Variants in ELP4 observed in about 807,000 individuals in gnomAD.
ELP4 encodes the protein elongator complex protein 4.
In ELP4, 51 loss-of-function variants were observed where a neutral mutation model predicts 48.9. The ratio of observed to expected loss-of-function variants is 1.04; its 90% confidence interval spans 0.83 to 1.32. The LOEUF (loss-of-function observed/expected upper bound fraction) is 1.32, where lower values mean the gene tolerates loss of function less well. ELP4 is among the 40% of genes most tolerant of loss of function. The probability of loss-of-function intolerance (pLI) is 0.00; values close to 1 mark genes in which losing one functional copy is unlikely to be tolerated. For synonymous variants in ELP4, 210 were observed against 189.2 expected (o/e 1.11, Z -0.90); for missense variants, 519 against 514.6 (o/e 1.01, Z -0.08).
intron 9 of ELP4, among the ~76,000 whole-genome samples, chr11:31,752,101 GA>G (rs1247804543): frequency 3.3e-5 from 5 of 151,962 alleles, no homozygotes; most frequent in African/African-American, 9.7e-5. Flanking sequence ...ATTGCAGATA[GA>G]AAAAAAATTC....
chr11:31,723,706 C>T (rs543286578), intron 9 of ELP4, among the ~76,000 whole-genome samples: 7 of 152,266 alleles, frequency 4.6e-5, no homozygotes, highest in South Asian at 4.1e-4. Context: ...TGTGGTAAAG[C>T]GCACATGGAG....
At chr11:31,711,130 T>G (rs984790266) in intron 9 of ELP4, among the ~76,000 whole-genome samples, 1 of 152,226 alleles carries the variant, frequency 6.6e-6, no homozygotes, top group African/African-American at 2.4e-5. Context: ...ATATTACGCT[T>G]GGATGATACA....
At chr11:31,519,972 C>A in intron 1 of ELP4, 84 bp from the exon 2 acceptor site, 1 of 1,293,958 alleles carries the variant, frequency 7.7e-7, no homozygotes, top group South Asian at 1.3e-5. Flanking sequence ...TATTGAAGTG[C>A]CTTTCCTTCA....
chr11:31,744,665 G>A (rs1291297367), intron 9 of ELP4, among the ~76,000 whole-genome samples: 5 of 152,062 alleles, frequency 3.3e-5, no homozygotes, highest in African/African-American at 2.4e-5. Context: ...TAGATGCAGA[G>A]AAGGCCTTTG....
rs567102192 is a variant in ELP4, at chr11:31,648,040, A to G, written c.1036+191A>G. On this transcript the variant is annotated intron_variant, in intron 8 of 9. Coordinates refer to ENST00000640961, the MANE Select transcript of ELP4 (RefSeq NM_019040.5). ...AACTACATTAAGACTATAGACTATA[A>G]TAACTGAAAGGAGTCAAACCCAAGT... 7.3e-5 allele frequency: 31 copies of G among 424,580 alleles called. No individual in the cohort carries two copies. In the East Asian group the frequency reaches 1.1e-3, roughly 15 times the overall value. 26.3% of individuals were successfully genotyped at this position (424,580 alleles called of 1,614,324 possible).
At chr11:31,611,969 A>C (rs1482846958) in intron 5 of ELP4, among the ~76,000 whole-genome samples, 2 of 152,226 alleles carry the variant, frequency 1.3e-5, no homozygotes, top group African/African-American at 2.4e-5. Flanking sequence ...TGCAATGGGC[A>C]CTGGGCCAAG....
At chr11:31,651,644 T>C (rs2134075776) in intron 9 of ELP4, 1 of 151,778 alleles carries the variant, frequency 6.6e-6, no homozygotes, top group East Asian at 1.9e-4. Flanking sequence ...TATAGTTTAG[T>C]GTCACAAGGA....
intron 9 of ELP4, among the ~76,000 whole-genome samples, chr11:31,706,756 T>C (rs1946643050): frequency 6.6e-6 from 1 of 152,062 alleles, no homozygotes; most frequent in East Asian, 1.9e-4. Flanking sequence ...CAACATCTAG[T>C]ACCTGTGTTC....
chr11:31,694,303 A>T (rs555544648), intron 9 of ELP4, among the ~76,000 whole-genome samples: 1 of 152,142 alleles, frequency 6.6e-6, no homozygotes, highest in Non-Finnish European at 1.5e-5. Flanking sequence ...TAGGTCTAAC[A>T]TGTAAGTCTT....
chr11:31,777,276 CCTT>C (rs1274920212), intron 9 of ELP4, among the ~76,000 whole-genome samples: 1 of 152,084 alleles, frequency 6.6e-6, no homozygotes, highest in Non-Finnish European at 1.5e-5. Flanking sequence ...CCATCCTCCT[CCTT>C]GTGACCCTGA....
chr11:31,556,877 A>G (rs919883495), intron 3 of ELP4, among the ~76,000 whole-genome samples: 1 of 151,894 alleles, frequency 6.6e-6, no homozygotes, highest in Non-Finnish European at 1.5e-5. Flanking sequence ...GCATATTAGA[A>G]CTACCTTGAT....
At chr11:31,512,794 C>T (rs1455226972) in intron 1 of ELP4, among the ~76,000 whole-genome samples, 1 of 146,554 alleles carries the variant, frequency 6.8e-6, no homozygotes, top group Non-Finnish European at 1.5e-5. Context: ...GCCCTCCGCC[C>T]CCCCTCCCCC....
At chr11:31,747,635 G>T (rs1233579126) in intron 9 of ELP4, among the ~76,000 whole-genome samples, 6 of 152,174 alleles carry the variant, frequency 3.9e-5, no homozygotes, top group Non-Finnish European at 7.3e-5. Flanking sequence ...AGCCAAAACT[G>T]AGATACATTG....
At chr11:31,746,128 C>T (rs1430324879) in intron 9 of ELP4, among the ~76,000 whole-genome samples, 2 of 152,170 alleles carry the variant, frequency 1.3e-5, no homozygotes, top group East Asian at 3.8e-4. Flanking sequence ...CCAAAAAACA[C>T]ATGAAAAAAT....
rs562425612 is a variant in ELP4 at position 31,783,603 on chromosome 11, C to G, written c.*79C>G. 98 of 1,393,846 alleles carry G rather than the reference C, an allele frequency of 7.0e-5. 1 individual carries two copies. In the Admixed American group the frequency reaches 1.7e-3, roughly 24 times the overall value. 86.3% of individuals were successfully genotyped at this position (1,393,846 alleles called of 1,614,324 possible). A position where few individuals can be genotyped will look rare whatever the true frequency, so the allele number is the denominator to read the frequency against. On this transcript the variant is annotated 3_prime_UTR_variant, in exon 10 of 10. Coordinates refer to ENST00000640961, the MANE Select transcript of ELP4 (RefSeq NM_019040.5). ...GCTAATAGCTTATGTAAATATTTTT[C>G]TTAACAATTTGACCCTCCACTCCTT...
At chr11:31,702,003 T>A (rs1439181615) in intron 9 of ELP4, among the ~76,000 whole-genome samples, 1 of 152,172 alleles carries the variant, frequency 6.6e-6, no homozygotes, top group Non-Finnish European at 1.5e-5. Flanking sequence ...TGTTTCTGAC[T>A]GTCCTTTTAA....
Position 31,581,156 on chromosome 11 carries a change from C to T in ELP4, c.382-13614C>T, listed in dbSNP as rs539561689. ...GTAAGTGTGAAACCCTTGAAATCGTCCATACTCCAACTCCAAATGGACAGC... is the reference window on the plus strand; with the variant it reads ...GTAAGTGTGAAACCCTTGAAATCGTTCATACTCCAACTCCAAATGGACAGC... On this transcript the variant is annotated intron_variant, in intron 3 of 9. Coordinates refer to ENST00000640961, the MANE Select transcript of ELP4 (RefSeq NM_019040.5). Among the ~76,000 whole-genome samples, 5 of 152,274 alleles carry T rather than the reference C, an allele frequency of 3.3e-5. No homozygotes were observed. In the South Asian group the frequency reaches 1.0e-3, roughly 32 times the overall value.
At chr11:31,754,836 T>G (rs932958882) in intron 9 of ELP4, among the ~76,000 whole-genome samples, 1 of 152,152 alleles carries the variant, frequency 6.6e-6, no homozygotes, top group South Asian at 2.1e-4. Context: ...CACGCCATTA[T>G]ACTTCAGCCT....
rs1315514437 is a variant in ELP4, at chr11:31,517,010, A to C, written c.224-3046A>C. On this transcript the variant is annotated intron_variant, in intron 1 of 9. Coordinates refer to ENST00000640961, the MANE Select transcript of ELP4 (RefSeq NM_019040.5). Reference sequence around the variant, plus strand: ...TTTTTTCATTATTTCCTTCCCTAAGAGTTTGAAATGTTCTACATATTGTCA... The same window carrying C: ...TTTTTTCATTATTTCCTTCCCTAAGCGTTTGAAATGTTCTACATATTGTCA... Among the ~76,000 whole-genome samples, 3 of 152,308 alleles carry C rather than the reference A, an allele frequency of 2.0e-5. No homozygotes were observed. The East Asian group carries it at 5.8e-4, about 29-fold the overall frequency.
Sources: gnomAD v4.1 joint callset for allele counts (sites outside exome capture counted in the v4.1 genomes callset) on GRCh38, gnomAD v4.1.1 for gene constraint, MANE v1.5 for transcripts, NCBI Gene and HGNC (gene_info 2026-07-23, HGNC 2026-07-21) for gene names.